KCNH1: variants seen among roughly 807,000 people sequenced by gnomAD.
KCNH1 encodes the protein potassium voltage-gated channel subfamily H member 1.
In KCNH1, 27 loss-of-function variants were observed where a neutral mutation model predicts 69.2. The ratio of observed to expected loss-of-function variants is 0.39; its 90% CI spans 0.29 to 0.54. The LOEUF (loss-of-function observed/expected upper bound fraction) is 0.54. Ranked by LOEUF, KCNH1 falls within the 20% of genes least tolerant of loss-of-function variation. The probability of loss-of-function intolerance (pLI) is 0.68; values close to 1 mark genes in which losing one functional copy is unlikely to be tolerated. For synonymous variants in KCNH1, 456 were observed against 487.7 expected (o/e 0.93, Z 0.86); for missense variants, 798 against 1,261.6 (o/e 0.63, Z 5.57).
intron 7 of KCNH1, among the ~76,000 whole-genome samples, chr1:210,816,059 C>T (rs988572373): frequency 2.0e-5 from 3 of 152,180 alleles, no homozygotes; most frequent in African/African-American, 7.2e-5. Flanking sequence ...CTGCAAGCGG[C>T]GAGCGATTAA....
intron 7 of KCNH1, among the ~76,000 whole-genome samples, chr1:210,885,475 C>T (rs183907691): frequency 3.3e-5 from 5 of 151,940 alleles, no homozygotes; most frequent in East Asian, 3.9e-4. Context: ...AGCACAAAAC[C>T]GGGCTGCCAT....
intron 5 of KCNH1, among the ~76,000 whole-genome samples, chr1:211,066,840 T>C (rs925051431): frequency 2.0e-5 from 3 of 152,182 alleles, no homozygotes; most frequent in South Asian, 2.1e-4. Flanking sequence ...AACATACATA[T>C]GGCATTTACC....
chr1:210,975,769 G>C (rs967277658), intron 6 of KCNH1, among the ~76,000 whole-genome samples: 1 of 152,140 alleles, frequency 6.6e-6, no homozygotes, highest in African/African-American at 2.4e-5. Context: ...TTAAACTAAA[G>C]AGCTTCTGCA....
At chr1:210,852,003 C>T (rs1685717791) in intron 7 of KCNH1, among the ~76,000 whole-genome samples, 1 of 152,036 alleles carries the variant, frequency 6.6e-6, no homozygotes, top group East Asian at 1.9e-4. Flanking sequence ...AGTTTAAAGA[C>T]TAACAGAAGA....
intron 7 of KCNH1, among the ~76,000 whole-genome samples, chr1:210,907,544 A>C (rs562264813): frequency 2.0e-5 from 3 of 148,720 alleles, no homozygotes; most frequent in Non-Finnish European, 4.5e-5. Context: ...AAAAAAAAGC[A>C]AGCTGAATGG....
Position 211,056,228 on chromosome 1 carries a change from G to C in KCNH1, c.558+26552C>G, listed in dbSNP as rs147922817. ...CAGTATTTACCATAAGTTGACTAAAGAGCCCTTGGGACTTGAGTGAACATC... is the reference window on the plus strand; with the variant it reads ...CAGTATTTACCATAAGTTGACTAAACAGCCCTTGGGACTTGAGTGAACATC... On this transcript the variant is annotated intron_variant, in intron 5 of 10. Transcript: ENST00000271751. Among the ~76,000 whole-genome samples the C allele has an allele frequency of 7.2e-5, 11 of 152,348 alleles. No individual in the cohort carries two copies. The East Asian group carries it at 2.1e-3, about 29-fold the overall frequency.
intron 7 of KCNH1, among the ~76,000 whole-genome samples, chr1:210,911,339 T>C (rs1279918950): frequency 6.6e-6 from 1 of 152,172 alleles, no homozygotes; most frequent in Non-Finnish European, 1.5e-5. Context: ...TCTCATTGAC[T>C]CATCTGGCTC....
chr1:210,718,265 AAT>A (rs1449228762), intron 10 of KCNH1, among the ~76,000 whole-genome samples: 1 of 84,616 alleles, frequency 1.2e-5, no homozygotes, highest in Non-Finnish European at 2.5e-5. Context: ...AAATATTATA[AAT>A]ATATGTGCAT....
At chr1:211,021,874 T>A (rs536012532) in intron 5 of KCNH1, among the ~76,000 whole-genome samples, 4 of 152,162 alleles carry the variant, frequency 2.6e-5, no homozygotes, top group African/African-American at 9.6e-5. Flanking sequence ...TTAGGAGAAT[T>A]AATATTATTA....
At chr1:210,874,879 G>C (rs1160109137) in intron 7 of KCNH1, among the ~76,000 whole-genome samples, 1 of 152,066 alleles carries the variant, frequency 6.6e-6, no homozygotes, top group Non-Finnish European at 1.5e-5. Flanking sequence ...TCAGGGTTAC[G>C]TATATCTCCA....
rs566731664 is a variant in KCNH1 at position 211,069,024 on chromosome 1, C to CAGG, written c.558+13753_558+13755dup. Among the ~76,000 whole-genome samples, 396 of 152,290 alleles carry CAGG rather than the reference C, an allele frequency of 2.6e-3. 2 individuals are homozygous for CAGG. Among genetic ancestry groups the CAGG allele is most frequent in the Non-Finnish European group, 4.1e-3 (278 of 68,030 alleles). On this transcript the variant is annotated intron_variant, in intron 5 of 10. Coordinates refer to ENST00000271751, the MANE Select transcript of KCNH1 (RefSeq NM_172362.3). ...AAAAATCCCCTTGTGCTTCTGGCAG[C>CAGG]AGGAGGAGAAAGGGAACCATGTTTA... is the stretch of plus-strand genomic sequence containing the variant.
chr1:211,112,833 C>A (rs925968433), intron 1 of KCNH1, among the ~76,000 whole-genome samples: 8 of 152,198 alleles, frequency 5.3e-5, no homozygotes, highest in Non-Finnish European at 1.0e-4. Flanking sequence ...AATTCTTCCC[C>A]CATCCCTTCC....
chr1:210,827,859 T>G (rs2102435058), intron 7 of KCNH1, among the ~76,000 whole-genome samples: 1 of 152,276 alleles, frequency 6.6e-6, no homozygotes, highest in Non-Finnish European at 1.5e-5. Flanking sequence ...TTGTTTGTTT[T>G]TTGGAGACAA....
intron 7 of KCNH1, among the ~76,000 whole-genome samples, chr1:210,911,235 G>A (rs1175254542): frequency 1.3e-5 from 2 of 151,954 alleles, no homozygotes; most frequent in East Asian, 1.9e-4. Flanking sequence ...AATAAATGGG[G>A]TATATACTGC....
At chr1:210,707,949 G>A (rs953355372) in intron 10 of KCNH1, among the ~76,000 whole-genome samples, 9 of 152,170 alleles carry the variant, frequency 5.9e-5, no homozygotes, top group Non-Finnish European at 1.2e-4. Flanking sequence ...ACTCTTAAGT[G>A]TGCTTTAGCT....
chr1:210,707,016 A>C (rs772915565), intron 10 of KCNH1, among the ~76,000 whole-genome samples: 1 of 152,220 alleles, frequency 6.6e-6, no homozygotes, highest in African/African-American at 2.4e-5. Flanking sequence ...GGGAATTCAC[A>C]GTCCAGGAAG....
intron 7 of KCNH1, among the ~76,000 whole-genome samples, chr1:210,827,196 C>T (rs1237204278): frequency 3.3e-5 from 5 of 151,938 alleles, no homozygotes; most frequent in African/African-American, 4.8e-5. Context: ...ATTAGCCAGG[C>T]GTGGTGGCGG....
intron 9 of KCNH1, among the ~76,000 whole-genome samples, chr1:210,793,743 G>T (rs2102395526): frequency 6.6e-6 from 1 of 152,156 alleles, no homozygotes; most frequent in East Asian, 1.9e-4. Context: ...TTTTTCTAAA[G>T]GCTCTTGCTT....
At chr1:210,980,181 T>C (rs1688683795) in intron 6 of KCNH1, among the ~76,000 whole-genome samples, 1 of 152,190 alleles carries the variant, frequency 6.6e-6, no homozygotes, top group African/African-American at 2.4e-5. Flanking sequence ...CATTGCTAAG[T>C]GAGTACAATA....
Sources: allele counts gnomAD v4.1 joint callset (sites outside exome capture counted in the v4.1 genomes callset), GRCh38; gene constraint gnomAD v4.1.1; transcripts MANE v1.5; gene names NCBI Gene and HGNC (gene_info 2026-07-23, HGNC 2026-07-21).